The following GMDS variants were observed in gnomAD, a reference collection of about 807,000 sequenced individuals.
The protein encoded by GMDS is GDP-mannose 4,6 dehydratase.
A neutral mutation model predicts 49.9 loss-of-function variants in GMDS; 20 were observed. The observed-to-expected ratio is 0.40, with a 90% CI of 0.28 to 0.58. GMDS has a LOEUF of 0.58. GMDS is among the 20% of genes least tolerant of loss of function. GMDS has a pLI of 0.42. For synonymous variants in GMDS, 177 were observed against 178.6 expected, an observed-to-expected ratio of 0.99 and a Z score of 0.07; for missense variants, 362 against 481.4, an observed-to-expected ratio of 0.75 and a Z score of 2.32.
In GMDS at chr6:1,727,299, C is replaced by T. The variant is rs148595385; in HGVS notation, c.891-787G>A. Among the ~76,000 whole-genome samples, 534 of 152,274 alleles carry T rather than the reference C, an allele frequency of 3.5e-3. 2 individuals carry two copies. The highest frequency in any genetic ancestry group is 6.0e-3 in the Non-Finnish European group (405 of 68,022). On this transcript the variant is annotated intron_variant, in intron 8 of 10. Transcript: ENST00000380815. ...ATGAGCTCATATGCTTCGAGATTAC[C>T]TTCTCGCTAAAATTCTACTTATCCA...
At chr6:1,729,417 T>G (rs898224848) in intron 8 of GMDS, among the ~76,000 whole-genome samples, 15 of 152,246 alleles carry the variant, frequency 9.9e-5, no homozygotes, top group African/African-American at 3.1e-4. Context: ...TCTAAGGGCA[T>G]GGCATTGCCC....
intron 7 of GMDS, among the ~76,000 whole-genome samples, chr6:1,806,439 A>AACACAC (rs34940754): frequency 0.072 from 10,489 of 146,112 alleles, 813 homozygotes; most frequent in African/African-American, 0.2. Flanking sequence ...AGCACATGGG[A>AACACAC]ACACACACAC....
chr6:1,929,299 T>C (rs921379656), intron 7 of GMDS, among the ~76,000 whole-genome samples: 3 of 152,218 alleles, frequency 2.0e-5, no homozygotes, highest in South Asian at 2.1e-4. Flanking sequence ...CTGTGAGCAC[T>C]TGAACAAGGA....
At chr6:1,842,913 G>A (rs540624238) in intron 7 of GMDS, among the ~76,000 whole-genome samples, 3 of 152,086 alleles carry the variant, frequency 2.0e-5, no homozygotes, top group Admixed American at 6.5e-5. Context: ...TCAGGCATTC[G>A]AGACCAGCCT....
At chr6:2,127,408 TAA>T (rs3839607) in intron 1 of GMDS, among the ~76,000 whole-genome samples, 41,103 of 149,670 alleles carry the variant, frequency 0.27, 6,836 homozygotes, top group East Asian at 0.48. Context: ...ATTAAATGTT[TAA>T]AAAAAAAAAA....
At chr6:1,743,324 CGGGT>C (rs2113493763) in intron 7 of GMDS, among the ~76,000 whole-genome samples, 1 of 152,230 alleles carries the variant, frequency 6.6e-6, no homozygotes, top group East Asian at 1.9e-4. Context: ...GAGGCCGAGG[CGGGT>C]GGATCACGAG....
intron 4 of GMDS, among the ~76,000 whole-genome samples, chr6:2,001,457 G>T (rs1395299514): frequency 6.6e-6 from 1 of 152,010 alleles, no homozygotes; most frequent in Non-Finnish European, 1.5e-5. Flanking sequence ...TTTCTTCATG[G>T]TATCTTTTGA....
At chr6:2,020,937 C>T (rs1228118339) in intron 4 of GMDS, among the ~76,000 whole-genome samples, 1 of 152,212 alleles carries the variant, frequency 6.6e-6, no homozygotes, top group African/African-American at 2.4e-5. Context: ...TACTACTATA[C>T]TGGAAAAATA....
chr6:1,749,312 T>G (rs2013003), intron 7 of GMDS, among the ~76,000 whole-genome samples: 146,712 of 152,318 alleles, frequency 0.96, 70,707 homozygotes, highest in East Asian at 1. Context: ...TTCTGGCTGG[T>G]TGTAGTGGCT....
chr6:1,803,624 C>T (rs1252892865), intron 7 of GMDS, among the ~76,000 whole-genome samples: 3 of 152,142 alleles, frequency 2.0e-5, no homozygotes, highest in African/African-American at 7.2e-5. Context: ...TACAAACTCA[C>T]ATTACAAATT....
chr6:2,066,450 C>G (rs1216645584), intron 4 of GMDS, among the ~76,000 whole-genome samples: 13 of 149,928 alleles, frequency 8.7e-5, no homozygotes, highest in Non-Finnish European at 1.2e-4. Flanking sequence ...ACTAAATGCT[C>G]CAATTAAAAG....
chr6:2,128,704 C>T (rs1053400184), intron 1 of GMDS, among the ~76,000 whole-genome samples: 6 of 152,204 alleles, frequency 3.9e-5, no homozygotes, highest in African/African-American at 1.4e-4. Context: ...ATAAAAGATA[C>T]ATTTTCAAAC....
intron 4 of GMDS, among the ~76,000 whole-genome samples, chr6:2,013,925 CATATATATATATATATATAT>C (rs10523956): frequency 0.015 from 1,936 of 125,126 alleles, 103 homozygotes; most frequent in Non-Finnish European, 0.015. Flanking sequence ...GGATAAAAAC[CATATATATATATATATATAT>C]ATATATATAT....
At chr6:2,164,366 C>T (rs1581735216) in intron 1 of GMDS, among the ~76,000 whole-genome samples, 1 of 152,126 alleles carries the variant, frequency 6.6e-6, no homozygotes, top group South Asian at 2.1e-4. Context: ...CCTTTAGGAG[C>T]CTGCTGGAGT....
At chr6:1,688,728 T>C (rs111457692) in intron 9 of GMDS, among the ~76,000 whole-genome samples, 4 of 152,374 alleles carry the variant, frequency 2.6e-5, no homozygotes, top group South Asian at 2.1e-4. Context: ...CAAGATGGGA[T>C]ACAGTAGCTA....
chr6:2,191,751 G>A lies in GMDS; in HGVS notation c.102+53570C>T, dbSNP rs1779029474. Reference sequence around the variant, plus strand: ...GGACACTGAGAGCAGCTTGATGCTGGCCTGCAGGTACCCCATGGATGAGCA... The same window carrying A: ...GGACACTGAGAGCAGCTTGATGCTGACCTGCAGGTACCCCATGGATGAGCA... On this transcript the variant is annotated intron_variant, in intron 1 of 10. Transcript: ENST00000380815. This position sits in a 1 kb window ranked among gnomAD's most constrained non-coding sequence, Gnocchi z 4.6. Among the ~76,000 whole-genome samples, 1 of 152,176 alleles carries A rather than the reference G, an allele frequency of 6.6e-6. No homozygotes were observed. The highest frequency in any genetic ancestry group is 2.4e-5 in the African/African-American group (1 of 41,442).
intron 4 of GMDS, among the ~76,000 whole-genome samples, chr6:2,046,744 A>G (rs1241414882): frequency 1.3e-5 from 2 of 152,192 alleles, no homozygotes; most frequent in Non-Finnish European, 2.9e-5. Flanking sequence ...TACAAGCTAC[A>G]ATGTTTCTTG....
chr6:1,756,247 C>A (rs979073053), intron 7 of GMDS, among the ~76,000 whole-genome samples: 6 of 151,748 alleles, frequency 4.0e-5, no homozygotes, highest in African/African-American at 1.5e-4. Flanking sequence ...AGCTTCATGG[C>A]TGCAGCCTTT....
At chr6:1,760,343 G>A (rs981976096) in intron 7 of GMDS, among the ~76,000 whole-genome samples, 1 of 152,182 alleles carries the variant, frequency 6.6e-6, no homozygotes, top group Non-Finnish European at 1.5e-5. Flanking sequence ...GTATTCAGTG[G>A]TAAGAAGGGA....
Sources: allele counts gnomAD v4.1 joint callset (sites outside exome capture counted in the v4.1 genomes callset), GRCh38; gene constraint gnomAD v4.1.1; non-coding constraint Gnocchi (gnomAD v3.1); transcripts MANE v1.5; gene names NCBI Gene and HGNC (gene_info 2026-07-23, HGNC 2026-07-21).